Variants in ARMC3 observed in about 807,000 individuals in gnomAD.
The protein encoded by ARMC3 is armadillo repeat-containing protein 3.
Under a neutral mutation model 90.3 loss-of-function variants are expected in ARMC3, and 74 were observed. The observed-to-expected ratio is 0.82, with a 90% CI of 0.68 to 0.99. The LOEUF is 0.99. ARMC3 is among the 50% of genes least tolerant of loss of function. The pLI, the probability that ARMC3 is intolerant of heterozygous loss-of-function variation, is 0.00. For synonymous variants in ARMC3, 334 were observed against 361.8 expected, an observed-to-expected ratio of 0.92 and a Z score of 0.87; for missense variants, 958 against 1,042.8, an observed-to-expected ratio of 0.92 and a Z score of 1.12.
At chr10:22,929,553 T>C (rs2131102942) in intron 1 of ARMC3, among the ~76,000 whole-genome samples, 1 of 152,192 alleles carries the variant, frequency 6.6e-6, no homozygotes, top group East Asian at 1.9e-4. Flanking sequence ...CACATAGGCT[T>C]TTTTTGGGGG....
At chr10:22,988,708 A>G (rs1836570269) in intron 10 of ARMC3, among the ~76,000 whole-genome samples, 1 of 152,202 alleles carries the variant, frequency 6.6e-6, no homozygotes, top group Non-Finnish European at 1.5e-5. Flanking sequence ...ATCCCTGTAC[A>G]GGAAGAGATG....
Position 22,955,828 on chromosome 10 carries a change from T to C in ARMC3, c.188T>C (p.Leu63Pro). The change falls in exon 4 of 19, where the codon CTC becomes CCC. Residue 63 changes from leucine (L) to proline (P), a missense_variant. Coordinates refer to ENST00000298032, the MANE Select transcript of ARMC3 (RefSeq NM_173081.5). Reference sequence around the variant, plus strand: ...TCAGGTGAGGAAAATAAAACAACCCTCCTTGAACTTGGAGCTGTGGAACCT... The same window carrying C: ...TCAGGTGAGGAAAATAAAACAACCCCCCTTGAACTTGGAGCTGTGGAACCT... Reference protein sequence around the residue: ...ALKGEENKTTLLELGAVEPLT... With the variant: ...ALKGEENKTTPLELGAVEPLT... The C allele has an allele frequency of 6.2e-7, 1 of 1,613,964 alleles. No homozygotes were observed. Among genetic ancestry groups the C allele is most frequent in the Non-Finnish European group, 8.5e-7 (1 of 1,179,914 alleles).
intron 8 of ARMC3, among the ~76,000 whole-genome samples, chr10:22,976,952 A>C (rs1835951623): frequency 6.6e-6 from 1 of 152,192 alleles, no homozygotes; most frequent in Non-Finnish European, 1.5e-5. Flanking sequence ...AGATAGCCCC[A>C]CTTGGCATCA....
intron 2 of ARMC3, among the ~76,000 whole-genome samples, chr10:22,943,899 A>G (rs1834418611): frequency 6.6e-6 from 1 of 150,980 alleles, no homozygotes; most frequent in Admixed American, 6.6e-5. Context: ...GCGCCATTGC[A>G]CTCCAGCCTG....
chr10:23,020,035 G>A (rs1169050204), intron 16 of ARMC3, among the ~76,000 whole-genome samples: 2 of 152,198 alleles, frequency 1.3e-5, no homozygotes, highest in Non-Finnish European at 2.9e-5. Flanking sequence ...ACCTGTTAAA[G>A]GACATTTGAG....
intron 17 of ARMC3, among the ~76,000 whole-genome samples, chr10:23,032,328 T>A (rs1449486625): frequency 6.6e-6 from 1 of 152,080 alleles, no homozygotes; most frequent in Non-Finnish European, 1.5e-5. Flanking sequence ...CAGTGTTAAG[T>A]CACACCATGT....
At chr10:22,958,478 ACTC>A (rs1835047103) in intron 4 of ARMC3, among the ~76,000 whole-genome samples, 1 of 151,984 alleles carries the variant, frequency 6.6e-6, no homozygotes, top group Non-Finnish European at 1.5e-5. Context: ...CAGTGACTCA[ACTC>A]TTCTGATATG....
chr10:23,025,248 C>T (rs1838670743), intron 16 of ARMC3, among the ~76,000 whole-genome samples: 1 of 151,984 alleles, frequency 6.6e-6, no homozygotes, highest in Admixed American at 6.6e-5. Flanking sequence ...ACAGCAGCAA[C>T]CAACAAGATC....
intron 2 of ARMC3, among the ~76,000 whole-genome samples, chr10:22,940,751 G>A (rs903125305): frequency 7.2e-5 from 11 of 152,198 alleles, no homozygotes; most frequent in African/African-American, 2.7e-4. Flanking sequence ...CTCCCAAAGT[G>A]CTGGGATTAC....
At chr10:22,960,601 A>T (rs949236257) in intron 6 of ARMC3, 4 of 151,810 alleles carry the variant, frequency 2.6e-5, no homozygotes, top group Admixed American at 1.3e-4. Flanking sequence ...AAATCCCAAG[A>T]CTCCTTAGAG....
rs1396869337 is a variant in ARMC3, at chr10:22,976,829, G to GA, written c.917-4507dup. Among the ~76,000 whole-genome samples the GA allele has an allele frequency of 2.0e-5, 3 of 152,278 alleles. No homozygotes were observed. In the South Asian group the frequency reaches 6.2e-4, roughly 32 times the overall value. ...CAATCTGAACAAAGAGTAACCTTCTGAAAATGCACAAATACACTACATTCT... is the reference window on the plus strand; with the variant it reads ...CAATCTGAACAAAGAGTAACCTTCTGAAAAATGCACAAATACACTACATTCT... On this transcript the variant is annotated intron_variant, in intron 8 of 18. Coordinates refer to ENST00000298032, the MANE Select transcript of ARMC3 (RefSeq NM_173081.5).
At chr10:23,023,193 G>A (rs150146809) in intron 16 of ARMC3, among the ~76,000 whole-genome samples, 126 of 152,246 alleles carry the variant, frequency 8.3e-4, no homozygotes, top group African/African-American at 3.0e-3. Context: ...CCAGAACGGG[G>A]AAACCCCTCG....
At chr10:22,977,363 G>A (rs1451720510) in intron 8 of ARMC3, among the ~76,000 whole-genome samples, 1 of 152,144 alleles carries the variant, frequency 6.6e-6, no homozygotes, top group Non-Finnish European at 1.5e-5. Flanking sequence ...GTAGATTAAA[G>A]CAACAACCTG....
At chr10:22,959,691 G>T in intron 6 of ARMC3, 117 bp downstream of exon 6, 1 of 962,392 alleles carries the variant, frequency 1.0e-6, no homozygotes, top group Non-Finnish European at 1.5e-6. Context: ...AGATCTTCTT[G>T]TTACTGGTAT....
chr10:23,006,186 A>C (rs1298630486), intron 13 of ARMC3, among the ~76,000 whole-genome samples: 1 of 152,182 alleles, frequency 6.6e-6, no homozygotes, highest in Non-Finnish European at 1.5e-5. Flanking sequence ...CACAGCAGGA[A>C]GGCCGGTGCA....
At chr10:22,969,811 A>G (rs1365557229) in intron 8 of ARMC3, among the ~76,000 whole-genome samples, 1 of 152,098 alleles carries the variant, frequency 6.6e-6, no homozygotes, top group Non-Finnish European at 1.5e-5. Flanking sequence ...CTCTTTGGAG[A>G]GTATTTATAT....
chr10:22,944,616 A>T (rs998806981), intron 2 of ARMC3, among the ~76,000 whole-genome samples: 2 of 151,878 alleles, frequency 1.3e-5, no homozygotes, highest in African/African-American at 4.9e-5. Context: ...TTTTCAGATT[A>T]AAAAAAACCA....
At chr10:23,001,636 G>A (rs1837295476) in intron 11 of ARMC3, among the ~76,000 whole-genome samples, 1 of 152,026 alleles carries the variant, frequency 6.6e-6, no homozygotes, top group African/African-American at 2.4e-5. Flanking sequence ...GCATCCCACG[G>A]GTGGGCAGTG....
chr10:23,028,156 G>T (rs977002419), intron 16 of ARMC3, among the ~76,000 whole-genome samples: 2 of 151,834 alleles, frequency 1.3e-5, no homozygotes. Flanking sequence ...AACAAACAAA[G>T]AACAACAACA....
Sources: allele counts gnomAD v4.1 joint callset (sites outside exome capture counted in the v4.1 genomes callset), GRCh38; gene constraint gnomAD v4.1.1; transcripts MANE v1.5; gene names NCBI Gene and HGNC (gene_info 2026-07-23, HGNC 2026-07-21).